Variants in LRRC4C observed in about 807,000 individuals in gnomAD.
LRRC4C encodes the protein leucine-rich repeat-containing protein 4C.
Under a neutral mutation model 33.6 loss-of-function variants are expected in LRRC4C, and 5 were observed. That is an observed-to-expected ratio of 0.15 (90% CI 0.08 to 0.31). LRRC4C has a LOEUF of 0.31. Among genes scored for constraint, LRRC4C ranks in the 10% least tolerant of loss-of-function variants. The pLI is 1.00. For missense variants in LRRC4C, 560 were observed against 796.7 expected, an observed-to-expected ratio of 0.70 and a Z score of 3.58; for synonymous variants, 329 against 302.0, an observed-to-expected ratio of 1.09 and a Z score of -0.93.
At chr11:40,226,482 G>A (rs1565157893) in intron 5 of LRRC4C, among the ~76,000 whole-genome samples, 1 of 152,178 alleles carries the variant, frequency 6.6e-6, no homozygotes, top group Admixed American at 6.5e-5. Context: ...TGGGCTTTAA[G>A]CCCATATCTT....
intron 2 of LRRC4C, among the ~76,000 whole-genome samples, chr11:40,668,862 T>C (rs1943945024): frequency 6.6e-6 from 1 of 152,158 alleles, no homozygotes; most frequent in South Asian, 2.1e-4. Flanking sequence ...TGGGGCTAGA[T>C]GAATTGATTT....
intron 6 of LRRC4C, among the ~76,000 whole-genome samples, chr11:40,130,679 C>A (rs1856586526): frequency 6.6e-6 from 1 of 152,152 alleles, no homozygotes; most frequent in Non-Finnish European, 1.5e-5. Flanking sequence ...GCAAAACTGT[C>A]CTCTTTGAAA....
chr11:40,344,778 C>T lies in LRRC4C; in HGVS notation c.-269-25057G>A, dbSNP rs560590230. On this transcript the variant is annotated intron_variant, in intron 3 of 6. Transcript: ENST00000528697. ...CCCCATAGTCTGTGCCCAAAAGCTC[C>T]TTGATCTGATGAACAACTTCAACAA... Among the ~76,000 whole-genome samples the T allele has an allele frequency of 1.5e-3, 230 of 152,210 alleles. 1 individual carries two copies. Among genetic ancestry groups the T allele is most frequent in the African/African-American group, 5.4e-3 (225 of 41,538 alleles).
chr11:40,878,489 G>A (rs774845825), intron 2 of LRRC4C, among the ~76,000 whole-genome samples: 3 of 152,116 alleles, frequency 2.0e-5, no homozygotes, highest in Admixed American at 6.6e-5. Flanking sequence ...TAGAGCCCTC[G>A]CATGTGCAAT....
chr11:41,392,288 C>A (rs1953628752), intron 1 of LRRC4C, among the ~76,000 whole-genome samples: 1 of 151,808 alleles, frequency 6.6e-6, no homozygotes, highest in Admixed American at 6.6e-5. Flanking sequence ...ATGTGTTCCT[C>A]TTTTTGCATC....
chr11:41,058,197 G>A (rs1858775269), intron 1 of LRRC4C, among the ~76,000 whole-genome samples: 1 of 127,978 alleles, frequency 7.8e-6, no homozygotes, highest in Non-Finnish European at 1.8e-5. Flanking sequence ...CCTCAGCCAG[G>A]GCTGTGACTC....
chr11:40,204,764 G>A (rs563370267), intron 5 of LRRC4C, among the ~76,000 whole-genome samples: 2 of 152,256 alleles, frequency 1.3e-5, no homozygotes, highest in Admixed American at 1.3e-4. Flanking sequence ...TCAGCAGAGA[G>A]TTGAGTCTAG....
intron 1 of LRRC4C, among the ~76,000 whole-genome samples, chr11:41,386,093 T>G (rs1156696566): frequency 6.6e-6 from 1 of 151,672 alleles, no homozygotes; most frequent in Admixed American, 6.6e-5. Flanking sequence ...TGTGTATTTA[T>G]GTATGTATAT....
chr11:41,318,413 A>T (rs1338428461), intron 1 of LRRC4C, among the ~76,000 whole-genome samples: 1 of 152,328 alleles, frequency 6.6e-6, no homozygotes. Context: ...ATTCTACTGT[A>T]TTGGACTTAA....
At position 41,017,855 on chromosome 11, in the gene LRRC4C, T is replaced by G. The variant is rs918543937; in HGVS notation, c.-495-84132A>C. ...CAGAGGATATCTGATCTAAGAGAGCTATATTAACTTGCACAAGATCACTTA... is the reference window on the plus strand; with the variant it reads ...CAGAGGATATCTGATCTAAGAGAGCGATATTAACTTGCACAAGATCACTTA... On this transcript the variant is annotated intron_variant, in intron 1 of 6. Coordinates refer to ENST00000528697, the MANE Select transcript of LRRC4C (RefSeq NM_001258419.2). Among the ~76,000 whole-genome samples, 4 of 151,544 alleles carry G rather than the reference T, an allele frequency of 2.6e-5. No homozygotes were observed. In the South Asian group the frequency reaches 8.3e-4, roughly 31 times the overall value.
chr11:41,180,596 C>T (rs927268810), intron 1 of LRRC4C, among the ~76,000 whole-genome samples: 6 of 152,100 alleles, frequency 3.9e-5, no homozygotes, highest in Admixed American at 3.3e-4. Context: ...TGTGTCTGTG[C>T]GCACATGCAC....
intron 1 of LRRC4C, among the ~76,000 whole-genome samples, chr11:41,302,252 G>A (rs528769150): frequency 3.9e-5 from 6 of 152,292 alleles, no homozygotes; most frequent in African/African-American, 1.4e-4. Context: ...ATATTTGAGA[G>A]GAAATGTGGA....
intron 1 of LRRC4C, among the ~76,000 whole-genome samples, chr11:41,458,142 T>C (rs1956227858): frequency 6.6e-6 from 1 of 152,160 alleles, no homozygotes; most frequent in Admixed American, 6.6e-5. Context: ...TTTCTATACA[T>C]AGACATCAAC....
chr11:40,329,875 G>C (rs1946279588), intron 3 of LRRC4C, among the ~76,000 whole-genome samples: 1 of 151,492 alleles, frequency 6.6e-6, no homozygotes. Context: ...TCGAGTAGCT[G>C]CGACTACAGG....
chr11:40,990,252 T>TATAC (rs1446459011), intron 1 of LRRC4C, among the ~76,000 whole-genome samples: 7 of 139,528 alleles, frequency 5.0e-5, no homozygotes, highest in Non-Finnish European at 9.4e-5. Flanking sequence ...TATATATATA[T>TATAC]ATATATATAT....
At chr11:40,971,436 A>C (rs937187938) in intron 1 of LRRC4C, among the ~76,000 whole-genome samples, 1 of 152,112 alleles carries the variant, frequency 6.6e-6, no homozygotes, top group Admixed American at 6.5e-5. Flanking sequence ...GGCCTGGGGG[A>C]GGAGGGAACA....
rs553713844 is a variant in LRRC4C, at chr11:40,649,772, T to A, written c.-406-1494A>T. Among the ~76,000 whole-genome samples, 8 of 152,316 alleles carry A rather than the reference T, an allele frequency of 5.3e-5. No individual in the cohort carries two copies. The South Asian group carries it at 1.7e-3, about 32-fold the overall frequency. On this transcript the variant is annotated intron_variant, in intron 2 of 6. Coordinates refer to ENST00000528697, the MANE Select transcript of LRRC4C (RefSeq NM_001258419.2). ...AAGTAAAGACAGGAGTAAGAAATTA[T>A]AAAAGTATTATTTGGGAACTGATAT... is the stretch of plus-strand genomic sequence containing the variant.
intron 1 of LRRC4C, among the ~76,000 whole-genome samples, chr11:41,215,148 A>G (rs1323827527): frequency 6.6e-6 from 1 of 151,326 alleles, no homozygotes. Flanking sequence ...TTGTGCAATA[A>G]TCACCCATAT....
At chr11:41,434,130 T>A (rs1483867299) in intron 1 of LRRC4C, among the ~76,000 whole-genome samples, 1 of 152,068 alleles carries the variant, frequency 6.6e-6, no homozygotes, top group Non-Finnish European at 1.5e-5. Flanking sequence ...GTGGCAACCA[T>A]CACCTGAGAT....
Sources: gnomAD v4.1 joint callset for allele counts (sites outside exome capture counted in the v4.1 genomes callset) on GRCh38, gnomAD v4.1.1 for gene constraint, MANE v1.5 for transcripts, NCBI Gene and HGNC (gene_info 2026-07-23, HGNC 2026-07-21) for gene names.